The following ABTB3 variants were observed in gnomAD, a reference collection of about 807,000 sequenced individuals.
ABTB3 encodes the protein ankyrin repeat- and BTB/POZ domain-containing protein 3.
the ABTB3 span, among the ~76,000 whole-genome samples, chr12:107,364,869 CTGGT>C: frequency 6.6e-5 from 10 of 152,162 alleles, no homozygotes; most frequent in African/African-American, 2.4e-4. Flanking sequence ...TTTATTAAAG[CTGGT>C]TTTTCTTCCT....
At chr12:107,326,199 C>CTA in the ABTB3 span, among the ~76,000 whole-genome samples, 1 of 152,242 alleles carries the variant, frequency 6.6e-6, no homozygotes, top group Non-Finnish European at 1.5e-5. Context: ...GCCCCCGTGC[C>CTA]TAGCCTCATC....
the ABTB3 span, among the ~76,000 whole-genome samples, chr12:107,570,745 G>A: frequency 6.6e-6 from 1 of 152,098 alleles, no homozygotes; most frequent in Admixed American, 6.6e-5. Context: ...TCCAGAAGTT[G>A]CAGGCCCTAC....
the ABTB3 span, among the ~76,000 whole-genome samples, chr12:107,487,459 A>G: frequency 6.6e-6 from 1 of 152,032 alleles, no homozygotes; most frequent in Non-Finnish European, 1.5e-5. Flanking sequence ...GGTCAGCCAA[A>G]CCTCAGTGCC....
chr12:107,355,823 A>G, the ABTB3 span, among the ~76,000 whole-genome samples: 2 of 152,214 alleles, frequency 1.3e-5, no homozygotes, highest in African/African-American at 2.4e-5. Context: ...TAAACAAATT[A>G]TTTAACCATG....
At chr12:107,445,381 G>C in the ABTB3 span, among the ~76,000 whole-genome samples, 4 of 152,204 alleles carry the variant, frequency 2.6e-5, no homozygotes, top group Non-Finnish European at 5.9e-5. Flanking sequence ...GCCACTGAAG[G>C]TATGAAAATG....
chr12:107,419,482 C>T, the ABTB3 span, among the ~76,000 whole-genome samples: 1 of 152,132 alleles, frequency 6.6e-6, no homozygotes, highest in Non-Finnish European at 1.5e-5. Flanking sequence ...GGATCATTCT[C>T]TCCAACCCCT....
chr12:107,611,661 A>T, the ABTB3 span, among the ~76,000 whole-genome samples: 2 of 152,246 alleles, frequency 1.3e-5, no homozygotes, highest in African/African-American at 4.8e-5. Flanking sequence ...GGAAATTTTT[A>T]AAATGCAAAT....
chr12:107,383,988 C>A, the ABTB3 span, among the ~76,000 whole-genome samples: 2 of 152,282 alleles, frequency 1.3e-5, no homozygotes, highest in East Asian at 3.9e-4. Context: ...GTGCAGGCAT[C>A]CACCTATCCA....
chr12:107,611,161 C>G, the ABTB3 span, among the ~76,000 whole-genome samples: 1 of 152,164 alleles, frequency 6.6e-6, no homozygotes, highest in African/African-American at 2.4e-5. Flanking sequence ...TGATTTATTA[C>G]ACCTTGCCTT....
At chr12:107,543,830 A>T in the ABTB3 span, 1 of 1,048,898 alleles carries the variant, frequency 9.5e-7, no homozygotes, top group Admixed American at 2.9e-5. Context: ...CACTTTATTT[A>T]AATAAGGGAC....
chr12:107,481,057 G>A, the ABTB3 span, among the ~76,000 whole-genome samples: 7 of 152,324 alleles, frequency 4.6e-5, no homozygotes, highest in Non-Finnish European at 1.0e-4. Context: ...CAGGGGACAA[G>A]TGGCAATGTC....
chr12:107,430,891 C>G, the ABTB3 span, among the ~76,000 whole-genome samples: 4 of 152,220 alleles, frequency 2.6e-5, no homozygotes, highest in Non-Finnish European at 4.4e-5. Flanking sequence ...ATATTAACCA[C>G]TTTTTATTAT....
the ABTB3 span, chr12:107,612,751 T>C: frequency 1.9e-6 from 3 of 1,589,746 alleles, no homozygotes; most frequent in Non-Finnish European, 2.6e-6. Flanking sequence ...GTAAACGTTT[T>C]CCGTTCTCTG....
At chr12:107,528,394 A>G in the ABTB3 span, among the ~76,000 whole-genome samples, 5 of 152,232 alleles carry the variant, frequency 3.3e-5, no homozygotes, top group Non-Finnish European at 5.9e-5. Flanking sequence ...TAATTAGCCA[A>G]TTTAAAGAAA....
At chr12:107,534,446 G>T in the ABTB3 span, among the ~76,000 whole-genome samples, 1 of 151,762 alleles carries the variant, frequency 6.6e-6, no homozygotes, top group Admixed American at 6.6e-5. Context: ...AAATAATAAA[G>T]ATCAGAGCAG....
At chr12:107,440,657 C>A in the ABTB3 span, among the ~76,000 whole-genome samples, 2 of 152,174 alleles carry the variant, frequency 1.3e-5, no homozygotes, top group African/African-American at 4.8e-5. Flanking sequence ...CATTTCAACT[C>A]CCCAGCTGCC....
the ABTB3 span, among the ~76,000 whole-genome samples, chr12:107,382,557 G>A: frequency 1.3e-5 from 2 of 151,984 alleles, no homozygotes; most frequent in Non-Finnish European, 2.9e-5. Context: ...GGAGATTTTG[G>A]GCTGAGACTA....
At chr12:107,539,231 G>A in the ABTB3 span, among the ~76,000 whole-genome samples, 1 of 152,206 alleles carries the variant, frequency 6.6e-6, no homozygotes, top group African/African-American at 2.4e-5. Context: ...CCAGGTCACT[G>A]TCCTCACTGG....
chr12:107,465,863 C>T, the ABTB3 span, among the ~76,000 whole-genome samples: 14 of 152,184 alleles, frequency 9.2e-5, no homozygotes, highest in Admixed American at 3.3e-4. Flanking sequence ...CTTTCATGCT[C>T]TTGCAGAAAA....
Sources: gnomAD v4.1 joint callset for allele counts (sites outside exome capture counted in the v4.1 genomes callset) on GRCh38, gnomAD v4.1.1 for gene constraint, MANE v1.5 for transcripts, NCBI Gene and HGNC (gene_info 2026-07-23, HGNC 2026-07-21) for gene names.